ZC3H13: variants seen among roughly 807,000 people sequenced by gnomAD.
The protein encoded by ZC3H13 is zinc finger CCCH-type containing 13.
In ZC3H13, 64 loss-of-function variants were observed where a neutral mutation model predicts 204.1. The ratio of observed to expected loss-of-function variants is 0.31; its 90% CI spans 0.26 to 0.39. The LOEUF is 0.39. Among genes scored for constraint, ZC3H13 ranks in the 10% least tolerant of loss-of-function variants. The pLI, the probability that ZC3H13 is intolerant of heterozygous loss-of-function variation, is 1.00. For synonymous variants in ZC3H13, 667 were observed against 693.7 expected, an observed-to-expected ratio of 0.96 and a Z score of 0.60; for missense variants, 1,833 against 2,082.7, an observed-to-expected ratio of 0.88 and a Z score of 2.33.
intron 12 of ZC3H13, among the ~76,000 whole-genome samples, chr13:45,971,479 C>A (rs1350117925): frequency 6.6e-6 from 1 of 151,960 alleles, no homozygotes; most frequent in Non-Finnish European, 1.5e-5. Flanking sequence ...AAGAATGAAA[C>A]CGGATCCCTC....
At position 45,975,420 on chromosome 13, in the gene ZC3H13, C is replaced by T. The variant is rs1202463687; in HGVS notation, c.2331G>A (p.Ala777=). 9.9e-6 allele frequency: 16 copies of T among 1,613,836 alleles called. No homozygotes were observed. The highest frequency in any genetic ancestry group is 2.7e-5 in the African/African-American group (2 of 74,834). The stretch of plus-strand genomic sequence containing the variant: ...GTTCTCGTTCTTTATCCCTTTCTCT[C>T]GCTCTTTCTCGTTCCCGTTCTCGCT... The part of the protein sequence containing the change: ...ERERERERER[A]RERDKERERQ... The change falls in exon 12 of 19, where the codon GCG becomes GCA. Residue 777 remains alanine (A), a synonymous_variant. Coordinates refer to ENST00000679008, the MANE Select transcript of ZC3H13 (RefSeq NM_001330564.2).
chr13:45,975,361 C>T lies in ZC3H13; in HGVS notation c.2390G>A (p.Arg797Gln), dbSNP rs183796238. 8.1e-6 allele frequency: 13 copies of T among 1,613,992 alleles called. No individual in the cohort carries two copies. The Admixed American group carries it at 1.0e-4, about 12-fold the overall frequency. Residue 797 changes from arginine to glutamine, a missense_variant, in exon 12 of 19, where the codon CGA (arginine) becomes CAA (glutamine). Physicochemically the swap from Arg to Gln is conservative, Grantham distance 43 (BLOSUM62 1). Coordinates refer to ENST00000679008, the MANE Select transcript of ZC3H13 (RefSeq NM_001330564.2). Reference protein sequence around the residue: ...QRDWEDKDKGRDDRREKREEI... With the variant: ...QRDWEDKDKGQDDRREKREEI... ...TTCTCGCTTTTCTCTGCGGTCATCT[C>T]GTCCTTTGTCTTTGTCTTCCCAATC...
intron 8 of ZC3H13, among the ~76,000 whole-genome samples, chr13:45,990,089 C>T (rs945087464): frequency 6.6e-6 from 1 of 152,108 alleles, no homozygotes; most frequent in African/African-American, 2.4e-5. Flanking sequence ...GTTTCTCAAC[C>T]CTAGCACTAC....
intron 17 of ZC3H13, chr13:45,962,058 A>G (rs1297583988): frequency 2.6e-5 from 15 of 586,436 alleles, no homozygotes; most frequent in Non-Finnish European, 3.2e-5. Flanking sequence ...GAATAGACAA[A>G]ATGGAAAAGA....
At chr13:45,972,188 A>C (rs920379369) in intron 12 of ZC3H13, among the ~76,000 whole-genome samples, 1 of 152,116 alleles carries the variant, frequency 6.6e-6, no homozygotes, top group Non-Finnish European at 1.5e-5. Context: ...GAAAAAAAAA[A>C]ACATGCACAT....
chr13:46,018,475 G>C (rs923876451), intron 5 of ZC3H13, among the ~76,000 whole-genome samples: 1 of 151,812 alleles, frequency 6.6e-6, no homozygotes, highest in African/African-American at 2.4e-5. Context: ...AGATTGCTGA[G>C]GCAGGAGGAA....
chr13:45,982,895 C>T (rs1162657874), intron 10 of ZC3H13, among the ~76,000 whole-genome samples: 4 of 152,084 alleles, frequency 2.6e-5, no homozygotes, highest in African/African-American at 9.7e-5. Context: ...AACAGTCATT[C>T]TATAATGAAT....
rs2137897368 is a variant in ZC3H13 at position 45,969,148 on chromosome 13, T to C, written c.3396A>G (p.Thr1132=). 1 of 1,614,106 alleles carries C rather than the reference T, an allele frequency of 6.2e-7. No homozygotes were observed. Among genetic ancestry groups the C allele is most frequent in the East Asian group, 2.2e-5 (1 of 44,880 alleles). Residue 1132 remains threonine (T), a synonymous_variant, in exon 14 of 19, where the codon ACA becomes ACG. Coordinates refer to ENST00000679008, the MANE Select transcript of ZC3H13 (RefSeq NM_001330564.2). Reference sequence around the variant, plus strand: ...CAGAGGTGGAAATAGTGATGGCAGATGTGCTGAAAGAGGTGGCGGCAGCAG... The same window carrying C: ...CAGAGGTGGAAATAGTGATGGCAGACGTGCTGAAAGAGGTGGCGGCAGCAG... ...TTAAAATSFS[T]SAITISTSAT...
intron 5 of ZC3H13, among the ~76,000 whole-genome samples, chr13:46,020,227 T>C (rs1370512808): frequency 1.3e-5 from 2 of 152,132 alleles, no homozygotes; most frequent in African/African-American, 2.4e-5. Context: ...GAGGGAAAAC[T>C]AGGAAGGGAA....
chr13:45,968,146 T>C (rs948014693), intron 14 of ZC3H13, 118 bp from the exon 15 acceptor site: 3 of 1,020,634 alleles, frequency 2.9e-6, no homozygotes, highest in African/African-American at 1.6e-5. Flanking sequence ...TATGTAACTT[T>C]CTATGTTCCA....
intron 5 of ZC3H13, among the ~76,000 whole-genome samples, chr13:46,015,732 A>G (rs2041869921): frequency 6.6e-6 from 1 of 152,140 alleles, no homozygotes; most frequent in South Asian, 2.1e-4. Context: ...AAAGTTTTAT[A>G]GGCGTAGTTA....
intron 7 of ZC3H13, among the ~76,000 whole-genome samples, chr13:46,006,023 A>G (rs2041118061): frequency 6.6e-6 from 1 of 150,632 alleles, no homozygotes; most frequent in Non-Finnish European, 1.5e-5. Flanking sequence ...TGAACCCAGG[A>G]GGCAGATGTT....
At position 45,970,507 on chromosome 13, in the gene ZC3H13, G is replaced by A. The variant is rs766546397; in HGVS notation, c.2469-42C>T. The A allele has an allele frequency of 3.2e-6, 5 of 1,561,204 alleles. No homozygotes were observed. In the African/African-American group the frequency reaches 5.5e-5, roughly 17 times the overall value. On this transcript the variant is annotated intron_variant, in intron 12 of 18. Coordinates refer to ENST00000679008, the MANE Select transcript of ZC3H13 (RefSeq NM_001330564.2). ...AACACAATTTATAAAATTCTAGGGG[G>A]CAAAAAAAGAGATTTTTTTGTTTTT...
At position 46,003,410 on chromosome 13, in the gene ZC3H13, C is replaced by G. The variant is rs1315583706; in HGVS notation, c.747-74G>C. ...ATATTTTTTAAAGCCTTCTTAAAAACAGCAGCGTTCCTTTACATTACTTGC... is the reference window on the plus strand; with the variant it reads ...ATATTTTTTAAAGCCTTCTTAAAAAGAGCAGCGTTCCTTTACATTACTTGC... On this transcript the variant is annotated intron_variant, in intron 7 of 18. Coordinates refer to ENST00000679008, the MANE Select transcript of ZC3H13 (RefSeq NM_001330564.2). 3 of 1,388,454 alleles carry G rather than the reference C, an allele frequency of 2.2e-6. No individual in the cohort carries two copies. The South Asian group carries it at 3.9e-5, about 18-fold the overall frequency. 86.0% of individuals were successfully genotyped at this position (1,388,454 alleles called of 1,614,324 possible).
rs10539884 is a variant in ZC3H13, at chr13:45,958,648, GTT to G, written c.4839+833_4839+834del. Reference sequence around the variant, plus strand: ...CTCACCACCCCAAATAAAAATCCCAGTTTTTTTTTTTTTTTTTTTTTTTTTGA... The same window carrying G: ...CTCACCACCCCAAATAAAAATCCCAGTTTTTTTTTTTTTTTTTTTTTTTGA... On this transcript the variant is annotated intron_variant, in intron 18 of 18. Coordinates refer to ENST00000679008, the MANE Select transcript of ZC3H13 (RefSeq NM_001330564.2). Among the ~76,000 whole-genome samples, 1,011 of 123,672 alleles carry G rather than the reference GTT, an allele frequency of 8.2e-3. 26 individuals carry two copies. The highest frequency in any genetic ancestry group is 0.012 in the Non-Finnish European group (719 of 60,302). 81.1% of individuals were successfully genotyped at this position (123,672 alleles called of 152,430 possible). A position where few individuals can be genotyped will look rare whatever the true frequency, so the allele number is the denominator to read the frequency against.
At chr13:45,990,415 T>C (rs377192288) in intron 8 of ZC3H13, among the ~76,000 whole-genome samples, 8 of 152,178 alleles carry the variant, frequency 5.3e-5, no homozygotes, top group African/African-American at 1.7e-4. Flanking sequence ...TTAGAAAGAA[T>C]ATGCAGAAAA....
Position 46,047,668 on chromosome 13 carries a change from C to CT in ZC3H13, c.-9-2153dup, listed in dbSNP as rs2044068317. Among the ~76,000 whole-genome samples the CT allele has an allele frequency of 2.6e-5, 4 of 151,964 alleles. 1 individual carries two copies. The South Asian group carries it at 8.3e-4, about 32-fold the overall frequency. On this transcript the variant is annotated intron_variant, in intron 1 of 18. Coordinates refer to ENST00000679008, the MANE Select transcript of ZC3H13 (RefSeq NM_001330564.2). ...AGAAAATGTAGAGCTTTGAGAAAAA[C>CT]TTTTTTAACAATATATATCCAAGCA...
At chr13:45,963,259 A>T in intron 17 of ZC3H13, 1 of 985,778 alleles carries the variant, frequency 1.0e-6, no homozygotes, top group Non-Finnish European at 1.2e-6. Context: ...TTTGTTAAAG[A>T]CTCAACCTAC....
chr13:46,040,573 CAAT>C (rs990115755), intron 4 of ZC3H13, among the ~76,000 whole-genome samples: 6 of 151,702 alleles, frequency 4.0e-5, no homozygotes, highest in African/African-American at 9.7e-5. Flanking sequence ...AAACAAGCAA[CAAT>C]AATAACAAAA....
Sources: allele counts gnomAD v4.1 joint callset (sites outside exome capture counted in the v4.1 genomes callset), GRCh38; gene constraint gnomAD v4.1.1; transcripts MANE v1.5; gene names NCBI Gene and HGNC (gene_info 2026-07-23, HGNC 2026-07-21).